Variants in RORA observed in about 807,000 individuals in gnomAD.
RORA encodes the protein nuclear receptor ROR-alpha.
A neutral mutation model predicts 69.5 loss-of-function variants in RORA; 7 were observed. That is an observed-to-expected ratio of 0.10 (90% CI 0.06 to 0.19). RORA has a LOEUF of 0.19. Ranked by LOEUF, RORA falls within the 10% of genes least tolerant of loss-of-function variation. RORA has a pLI of 1.00. For missense variants in RORA, 457 were observed against 663.0 expected (o/e 0.69, Z 3.41); for synonymous variants, 261 against 240.8 (o/e 1.08, Z -0.78).
chr15:60,824,500 T>C (rs75921170), intron 1 of RORA, among the ~76,000 whole-genome samples: 10,501 of 151,578 alleles, frequency 0.069, 541 homozygotes, highest in Non-Finnish European at 0.11. Flanking sequence ...CATTCAGTAA[T>C]AAAATCCATG....
intron 1 of RORA, chr15:60,848,143 CTGT>C (rs2073287293): frequency 2.6e-5 from 4 of 152,420 alleles, no homozygotes; most frequent in South Asian, 4.1e-4. Flanking sequence ...TCCCCCTCAT[CTGT>C]TTTTGTCGTG....
intron 1 of RORA, among the ~76,000 whole-genome samples, chr15:61,032,708 T>C (rs1896237226): frequency 6.6e-6 from 1 of 152,180 alleles, no homozygotes; most frequent in Non-Finnish European, 1.5e-5. Flanking sequence ...CATCTACCTA[T>C]TCCTGCCCTG....
chr15:61,164,193 G>A (rs1378020410), intron 1 of RORA, among the ~76,000 whole-genome samples: 1 of 151,988 alleles, frequency 6.6e-6, no homozygotes, highest in Non-Finnish European at 1.5e-5. Context: ...GTATTAATGG[G>A]TACTTTTTCT....
In RORA at chr15:60,511,179, C is replaced by A; in HGVS notation, c.820+47G>T. The A allele has an allele frequency of 6.4e-7, 1 of 1,553,368 alleles. No individual in the cohort carries two copies. Among genetic ancestry groups the A allele is most frequent in the Non-Finnish European group, 8.7e-7 (1 of 1,146,242 alleles). On this transcript the variant is annotated intron_variant, in intron 5 of 10. Coordinates refer to ENST00000335670, the MANE Select transcript of RORA (RefSeq NM_134261.3). This position sits in a 1 kb window ranked among gnomAD's most constrained non-coding sequence, Gnocchi z 6.4. ...AAAGTCAGACATACCCCTTTTACTT[C>A]AAAGGGCATGAATAGAGCATCCCAG...
At chr15:61,109,063 G>A (rs112127673) in intron 1 of RORA, among the ~76,000 whole-genome samples, 4 of 152,216 alleles carry the variant, frequency 2.6e-5, no homozygotes, top group African/African-American at 7.2e-5. Context: ...GGGTGTGGTG[G>A]TGCACGCCTG....
intron 1 of RORA, among the ~76,000 whole-genome samples, chr15:60,701,638 C>T (rs117299648): frequency 6.6e-6 from 1 of 152,328 alleles, no homozygotes; most frequent in East Asian, 1.9e-4. Context: ...GCCCTCCACC[C>T]GCAGCACAGG....
chr15:60,588,138 TCA>T (rs1201555169), intron 2 of RORA, among the ~76,000 whole-genome samples: 2 of 152,198 alleles, frequency 1.3e-5, no homozygotes, highest in African/African-American at 4.8e-5. Flanking sequence ...AAATGTCAAT[TCA>T]CACCTGACTT....
chr15:61,123,555 C>T (rs1161365279), intron 1 of RORA, among the ~76,000 whole-genome samples: 2 of 152,190 alleles, frequency 1.3e-5, no homozygotes, highest in Non-Finnish European at 2.9e-5. Context: ...GGAATGTTCT[C>T]ACCCACTGGT....
intron 1 of RORA, among the ~76,000 whole-genome samples, chr15:60,717,796 CTTTTTTTTTT>C (rs10653856): frequency 1.1e-5 from 1 of 91,974 alleles, no homozygotes; most frequent in African/African-American, 4.2e-5. Flanking sequence ...TTCTTTTTCT[CTTTTTTTTTT>C]TTTTTTTTTT....
chr15:60,632,356 C>T (rs536878480), intron 2 of RORA, among the ~76,000 whole-genome samples: 4 of 152,224 alleles, frequency 2.6e-5, no homozygotes, highest in African/African-American at 9.6e-5. Context: ...ATCTGCCCGC[C>T]TCGGCCTCCC....
intron 10 of RORA, among the ~76,000 whole-genome samples, chr15:60,498,401 T>C (rs1207465417): frequency 6.6e-6 from 1 of 152,142 alleles, no homozygotes; most frequent in Non-Finnish European, 1.5e-5. Context: ...GAACTGGCAC[T>C]AGTCAACTCC....
intron 1 of RORA, among the ~76,000 whole-genome samples, chr15:60,833,629 C>T (rs188098037): frequency 9.3e-4 from 141 of 152,296 alleles, no homozygotes; most frequent in African/African-American, 3.3e-3. Context: ...AGCCCAATCT[C>T]CTTTACCGTT....
Position 60,757,752 on chromosome 15 carries a change from AC to A in RORA, c.167-79067del, listed in dbSNP as rs372413711. On this transcript the variant is annotated intron_variant, in intron 1 of 10. Coordinates refer to ENST00000335670, the MANE Select transcript of RORA (RefSeq NM_134261.3). ...AAAGGAACAGACAAGTAAATGATGA[AC>A]CCTTTCAGCCTCCCTTGCTGGTTTC... is the stretch of plus-strand genomic sequence containing the variant. Among the ~76,000 whole-genome samples, 382 of 152,180 alleles carry A rather than the reference AC, an allele frequency of 2.5e-3. 4 individuals are homozygous for A. Among genetic ancestry groups the A allele is most frequent in the East Asian group, 0.021 (107 of 5,174 alleles).
At chr15:60,948,872 G>A (rs917707065) in intron 1 of RORA, among the ~76,000 whole-genome samples, 2 of 152,196 alleles carry the variant, frequency 1.3e-5, no homozygotes, top group Non-Finnish European at 2.9e-5. Context: ...GATGGATGCA[G>A]AAGAGACTGA....
At chr15:61,041,380 A>T (rs1291661404) in intron 1 of RORA, among the ~76,000 whole-genome samples, 1 of 150,852 alleles carries the variant, frequency 6.6e-6, no homozygotes, top group African/African-American at 2.5e-5. Flanking sequence ...TTTCCATCCT[A>T]TTAGAAAAAA....
At chr15:60,714,624 C>A (rs1490632176) in intron 1 of RORA, among the ~76,000 whole-genome samples, 2 of 152,126 alleles carry the variant, frequency 1.3e-5, no homozygotes, top group Non-Finnish European at 2.9e-5. Context: ...CTCAGCCTCC[C>A]AAAGTGCTGG....
intron 1 of RORA, among the ~76,000 whole-genome samples, chr15:61,116,071 AAAAC>A (rs200371756): frequency 0.036 from 5,525 of 152,264 alleles, 121 homozygotes; most frequent in Middle Eastern, 0.088. Flanking sequence ...AGCACTTAAA[AAAAC>A]AAACAAACAA....
At chr15:61,118,977 A>T (rs1471161771) in intron 1 of RORA, among the ~76,000 whole-genome samples, 2 of 152,036 alleles carry the variant, frequency 1.3e-5, no homozygotes, top group African/African-American at 2.4e-5. Context: ...AAGGAAACAA[A>T]AAGAAAATAA....
At chr15:61,178,264 T>C (rs1266256527) in intron 1 of RORA, among the ~76,000 whole-genome samples, 4 of 152,102 alleles carry the variant, frequency 2.6e-5, no homozygotes, top group Non-Finnish European at 5.9e-5. Context: ...TACAAAATAT[T>C]CAATCCCAGG....
Sources: gnomAD v4.1 joint callset for allele counts (sites outside exome capture counted in the v4.1 genomes callset) on GRCh38, gnomAD v4.1.1 for gene constraint, Gnocchi (gnomAD v3.1) non-coding constraint, MANE v1.5 for transcripts, NCBI Gene and HGNC (gene_info 2026-07-23, HGNC 2026-07-21) for gene names.